The following CRACR2A variants were observed in gnomAD, a reference collection of about 807,000 sequenced individuals.
CRACR2A encodes the protein calcium release activated channel regulator 2A.
A neutral mutation model predicts 90.5 loss-of-function variants in CRACR2A; 79 were observed. The ratio of observed to expected loss-of-function variants is 0.87; its 90% confidence interval spans 0.73 to 1.05. CRACR2A has a LOEUF of 1.05. Among genes scored for constraint, CRACR2A ranks in the 50% least tolerant of loss-of-function variants. The probability of loss-of-function intolerance (pLI) is 0.00; values close to 1 mark genes in which losing one functional copy is unlikely to be tolerated. For synonymous variants in CRACR2A, 338 were observed against 356.7 expected, an observed-to-expected ratio of 0.95 and a Z score of 0.59; for missense variants, 823 against 897.2, an observed-to-expected ratio of 0.92 and a Z score of 1.06.
intron 2 of CRACR2A, among the ~76,000 whole-genome samples, chr12:3,715,418 T>C (rs1427659052): frequency 6.6e-6 from 1 of 152,184 alleles, no homozygotes; most frequent in Non-Finnish European, 1.5e-5. Flanking sequence ...AACCTGAGTC[T>C]CAAAGGGTGT....
intron 3 of CRACR2A, among the ~76,000 whole-genome samples, chr12:3,708,311 T>G (rs944686081): frequency 6.6e-6 from 1 of 152,200 alleles, no homozygotes; most frequent in African/African-American, 2.4e-5. Flanking sequence ...TTTAGAACAC[T>G]TTTCTGGGGA....
At chr12:3,731,678 C>T (rs12426742) in intron 2 of CRACR2A, 42,013 of 152,090 alleles carry the variant, frequency 0.28, 6,638 homozygotes, top group Middle Eastern at 0.43. Context: ...CAGAATGTGA[C>T]CTTCTTTGGA....
chr12:3,619,109 C>T (rs1867755541), intron 18 of CRACR2A, among the ~76,000 whole-genome samples, 162 bp downstream of exon 18: 1 of 152,196 alleles, frequency 6.6e-6, no homozygotes, highest in Non-Finnish European at 1.5e-5. Context: ...TCTACATGCA[C>T]AGGAGCTGAG....
chr12:3,643,764 CTA>C (rs151048792), intron 12 of CRACR2A, among the ~76,000 whole-genome samples: 50,882 of 112,318 alleles, frequency 0.45, 12,090 homozygotes, highest in Admixed American at 0.56. Flanking sequence ...TGCACACAGA[CTA>C]TATATATATA....
At chr12:3,706,086 C>T (rs1000971825) in intron 3 of CRACR2A, among the ~76,000 whole-genome samples, 2 of 152,170 alleles carry the variant, frequency 1.3e-5, no homozygotes, top group Admixed American at 6.5e-5. Flanking sequence ...CCCCTCAACC[C>T]TAAACGTATA....
At chr12:3,636,915 G>C (rs1160989910) in intron 14 of CRACR2A, among the ~76,000 whole-genome samples, 3 of 152,230 alleles carry the variant, frequency 2.0e-5, no homozygotes, top group Non-Finnish European at 4.4e-5. Flanking sequence ...GGCGGCAAAG[G>C]CTCAGTTCTC....
Position 3,641,727 on chromosome 12 carries a change from C to G in CRACR2A, c.1271+5G>C. 6.4e-7 allele frequency: 1 copy of G among 1,551,058 alleles called. No individual in the cohort carries two copies. Among genetic ancestry groups the G allele is most frequent in the Non-Finnish European group, 8.7e-7 (1 of 1,146,460 alleles). On this transcript the variant is annotated splice_donor_5th_base_variant and intron_variant, in intron 13 of 19. Coordinates refer to ENST00000440314, the MANE Select transcript of CRACR2A (RefSeq NM_001144958.2). ...TGAAGGGATGAGCAAGTGGAGATGA[C>G]TTACCTCCTAAGAATCCCTCTGCTG...
chr12:3,698,993 T>G (rs1477165288), intron 3 of CRACR2A, among the ~76,000 whole-genome samples: 1 of 152,156 alleles, frequency 6.6e-6, no homozygotes, highest in Non-Finnish European at 1.5e-5. Flanking sequence ...GTTAATAATA[T>G]CTGTCATTCC....
chr12:3,674,913 C>T (rs1022034790), intron 6 of CRACR2A, among the ~76,000 whole-genome samples: 3 of 152,330 alleles, frequency 2.0e-5, no homozygotes, highest in Admixed American at 6.5e-5. Flanking sequence ...CTCCTTCCAT[C>T]CTTTCAACAT....
At chr12:3,616,373 C>T (rs987625373) in intron 19 of CRACR2A, among the ~76,000 whole-genome samples, 1 of 152,202 alleles carries the variant, frequency 6.6e-6, no homozygotes, top group African/African-American at 2.4e-5. Flanking sequence ...TCTTAAGTAT[C>T]AGAAATGAGT....
chr12:3,672,797 G>C (rs2137574490), intron 7 of CRACR2A: 1 of 985,424 alleles, frequency 1.0e-6, no homozygotes, highest in African/African-American at 1.7e-5. Context: ...AGGACTCTGG[G>C]TTGTTTCTAA....
At chr12:3,697,445 C>T (rs1340081145) in intron 3 of CRACR2A, among the ~76,000 whole-genome samples, 1 of 152,224 alleles carries the variant, frequency 6.6e-6, no homozygotes, top group Non-Finnish European at 1.5e-5. Context: ...TCTCACATCT[C>T]TCTGACATAG....
chr12:3,752,320 A>G (rs919091051), intron 1 of CRACR2A, among the ~76,000 whole-genome samples: 1 of 148,662 alleles, frequency 6.7e-6, no homozygotes, highest in African/African-American at 2.5e-5. Context: ...GCACAGACAC[A>G]CACTCGCACA....
At chr12:3,637,272 A>C (rs1277798796) in intron 14 of CRACR2A, among the ~76,000 whole-genome samples, 1 of 152,240 alleles carries the variant, frequency 6.6e-6, no homozygotes, top group Non-Finnish European at 1.5e-5. Flanking sequence ...CTCTGCTAAG[A>C]GCAGTTACAA....
intron 1 of CRACR2A, among the ~76,000 whole-genome samples, chr12:3,750,137 C>A (rs11062787): frequency 0.083 from 12,507 of 150,456 alleles, 657 homozygotes; most frequent in East Asian, 0.15. Flanking sequence ...GGTTTTGCCA[C>A]GTTGGCCAGG....
intron 11 of CRACR2A, among the ~76,000 whole-genome samples, chr12:3,647,448 G>A (rs1229769952): frequency 6.6e-6 from 1 of 151,976 alleles, no homozygotes; most frequent in South Asian, 2.1e-4. Flanking sequence ...CATTCTCTTT[G>A]AATCTACCCT....
intron 2 of CRACR2A, chr12:3,729,040 T>G (rs1946318172): frequency 6.6e-6 from 1 of 152,242 alleles, no homozygotes; most frequent in South Asian, 2.1e-4. Context: ...ATGTCACCAA[T>G]ACCACATGTA....
intron 4 of CRACR2A, among the ~76,000 whole-genome samples, chr12:3,688,836 CTTTG>C (rs1293916792): frequency 4.6e-5 from 7 of 152,070 alleles, no homozygotes; most frequent in African/African-American, 1.7e-4. Flanking sequence ...ATGTTTTTCC[CTTTG>C]TTTGTGTCAT....
intron 9 of CRACR2A, 44 bp from the exon 10 acceptor site, chr12:3,654,443 A>C: frequency 6.5e-7 from 1 of 1,530,866 alleles, no homozygotes; most frequent in Non-Finnish European, 8.8e-7. Context: ...AGTGACCACC[A>C]TTTTCAGGAG....
Sources: allele counts gnomAD v4.1 joint callset (sites outside exome capture counted in the v4.1 genomes callset), GRCh38; gene constraint gnomAD v4.1.1; transcripts MANE v1.5; gene names NCBI Gene and HGNC (gene_info 2026-07-23, HGNC 2026-07-21).